Variants in DIS3L observed in about 807,000 individuals in gnomAD.
DIS3L encodes DIS3 like exosome 3'-5' exoribonuclease.
Under a neutral mutation model 120.3 loss-of-function variants are expected in DIS3L, and 100 were observed. That is an observed-to-expected ratio of 0.83 (90% confidence interval 0.71 to 0.98). DIS3L has a LOEUF of 0.98. DIS3L is among the 50% of genes least tolerant of loss of function. DIS3L has a pLI of 0.00. For missense variants in DIS3L, 1,196 were observed against 1,314.2 expected (o/e 0.91, Z 1.39); for synonymous variants, 426 against 470.6 (o/e 0.91, Z 1.23).
intron 7 of DIS3L, among the ~76,000 whole-genome samples, chr15:66,317,420 T>C (rs537118316): frequency 1.3e-5 from 2 of 152,134 alleles, no homozygotes; most frequent in South Asian, 4.2e-4. Context: ...TCAGTGATGA[T>C]TGAAAGTGTT....
At chr15:66,304,508 C>T (rs374660932) in intron 2 of DIS3L, among the ~76,000 whole-genome samples, 1 of 152,100 alleles carries the variant, frequency 6.6e-6, no homozygotes. Flanking sequence ...ATGTTCTACG[C>T]ATCTTGAGAG....
chr15:66,313,799 A>G (rs35713804), intron 5 of DIS3L, among the ~76,000 whole-genome samples: 9,113 of 143,222 alleles, frequency 0.064, 365 homozygotes, highest in Middle Eastern at 0.11. Flanking sequence ...GTATATATAT[A>G]TGTGTGTGTG....
chr15:66,314,832 T>G (rs962503600), intron 6 of DIS3L: 1 of 476,372 alleles, frequency 2.1e-6, no homozygotes, highest in Non-Finnish European at 3.7e-6. Flanking sequence ...GTGGCACTTA[T>G]GAAATCTCAA....
intron 1 of DIS3L, chr15:66,294,216 C>G (rs2092559186): frequency 6.1e-6 from 6 of 985,522 alleles, no homozygotes; most frequent in Non-Finnish European, 6.0e-6. Context: ...ACTTTTCCCC[C>G]AGTGGAGAGC....
At chr15:66,326,937 T>C (rs2092945236) in intron 12 of DIS3L, among the ~76,000 whole-genome samples, 1 of 150,960 alleles carries the variant, frequency 6.6e-6, no homozygotes, top group African/African-American at 2.4e-5. Flanking sequence ...GTTGGTTTTT[T>C]TTTTTTCTTT....
chr15:66,309,094 A>AAAAAAAAAAAAAAAAAAATATAT, intron 4 of DIS3L, among the ~76,000 whole-genome samples: 3 of 15,318 alleles, frequency 2.0e-4, no homozygotes, highest in African/African-American at 5.9e-4. Context: ...AAAAAAAAAA[A>AAAAAAAAAAAAAAAAAAATATAT]ATATATATAT....
intron 2 of DIS3L, among the ~76,000 whole-genome samples, chr15:66,304,105 A>C (rs534455707): frequency 2.5e-4 from 38 of 149,202 alleles, no homozygotes; most frequent in African/African-American, 8.9e-4. Context: ...AAAAAAAAAA[A>C]AAAAAAACAA....
chr15:66,305,786 C>T (rs1055590969), intron 2 of DIS3L, among the ~76,000 whole-genome samples: 8 of 152,158 alleles, frequency 5.3e-5, no homozygotes, highest in Non-Finnish European at 1.0e-4. Flanking sequence ...CTTCCTCAGC[C>T]TCCCAAAGTG....
chr15:66,308,803 T>C lies in DIS3L; in HGVS notation c.517T>C (p.Tyr173His). ...VTEDEEAIQQYGSETEGVFVI... is the reference protein window; with the variant it reads ...VTEDEEAIQQHGSETEGVFVI... Reference sequence around the variant, plus strand: ...AGAAGATGAAGAGGCAATTCAGCAGTATGGAAGTGAAACAGAAGGAGTATT... The same window carrying C: ...AGAAGATGAAGAGGCAATTCAGCAGCATGGAAGTGAAACAGAAGGAGTATT... Residue 173 changes from tyrosine to histidine, a missense_variant, in exon 4 of 17, where the codon TAT becomes CAT. Coordinates refer to ENST00000319212, the MANE Select transcript of DIS3L (RefSeq NM_001143688.3). 6.2e-7 allele frequency: 1 copy of C among 1,613,430 alleles called. No individual in the cohort carries two copies. The highest frequency in any genetic ancestry group is 8.5e-7 in the Non-Finnish European group (1 of 1,179,680).
chr15:66,301,128 T>A (rs912313899), intron 2 of DIS3L, among the ~76,000 whole-genome samples: 3 of 152,030 alleles, frequency 2.0e-5, no homozygotes, highest in African/African-American at 7.2e-5. Flanking sequence ...CACCACTGAA[T>A]AAAAATAGTA....
chr15:66,323,884 A>G (rs191781928), intron 11 of DIS3L, among the ~76,000 whole-genome samples: 2 of 152,288 alleles, frequency 1.3e-5, no homozygotes, highest in Admixed American at 6.5e-5. Flanking sequence ...AAATGTATGT[A>G]GCTTTGTGCT....
intron 12 of DIS3L, among the ~76,000 whole-genome samples, chr15:66,326,763 G>T (rs2092943187): frequency 6.6e-6 from 1 of 151,720 alleles, no homozygotes; most frequent in Non-Finnish European, 1.5e-5. Context: ...TGTATTTTTA[G>T]TAGAGACAGG....
chr15:66,318,339 A>G (rs2092842389), intron 7 of DIS3L, 110 bp from the exon 8 acceptor site: 2 of 1,294,678 alleles, frequency 1.5e-6, no homozygotes, highest in East Asian at 5.0e-5. Flanking sequence ...TGCTTGAAAA[A>G]AAATAGGACA....
chr15:66,299,719 G>T (rs1178150522), intron 2 of DIS3L, among the ~76,000 whole-genome samples: 1 of 152,106 alleles, frequency 6.6e-6, no homozygotes, highest in African/African-American at 2.4e-5. Context: ...CTTCCTAAGT[G>T]TATAACTAAG....
intron 7 of DIS3L, among the ~76,000 whole-genome samples, chr15:66,316,729 C>T (rs143343424): frequency 4.2e-4 from 64 of 152,278 alleles, no homozygotes; most frequent in Non-Finnish European, 7.8e-4. Flanking sequence ...GCACGAGAAT[C>T]GCTTGAACCT....
intron 1 of DIS3L, 56 bp from the exon 2 acceptor site, chr15:66,294,932 A>AAAAC: frequency 6.6e-7 from 1 of 1,510,672 alleles, no homozygotes; most frequent in Non-Finnish European, 9.0e-7. Flanking sequence ...GTGACATTTA[A>AAAAC]ATAAACCAGG....
At chr15:66,330,441 A>G (rs2092988376) in intron 14 of DIS3L, 3 of 985,340 alleles carry the variant, frequency 3.0e-6, no homozygotes, top group Non-Finnish European at 3.6e-6. Flanking sequence ...AAGATTGCAC[A>G]GCATAGAACT....
intron 7 of DIS3L, among the ~76,000 whole-genome samples, chr15:66,316,139 T>A (rs1412443857): frequency 1.3e-5 from 2 of 152,182 alleles, no homozygotes; most frequent in Non-Finnish European, 2.9e-5. Flanking sequence ...TACTCAGTTG[T>A]CTATTTGGCA....
At chr15:66,313,516 G>C (rs1040821275) in intron 5 of DIS3L, among the ~76,000 whole-genome samples, 15 of 152,010 alleles carry the variant, frequency 9.9e-5, no homozygotes, top group African/African-American at 3.4e-4. Context: ...GGATCACAAG[G>C]TCATGAGTTC....
Sources: allele counts gnomAD v4.1 joint callset (sites outside exome capture counted in the v4.1 genomes callset), GRCh38; gene constraint gnomAD v4.1.1; transcripts MANE v1.5; gene names NCBI Gene and HGNC (gene_info 2026-07-23, HGNC 2026-07-21).